Variants in ERBB4 observed in about 807,000 individuals in gnomAD.
ERBB4 encodes erb-b2 receptor tyrosine kinase 4.
In ERBB4, 42 loss-of-function variants were observed where a neutral mutation model predicts 158.0. That is an observed-to-expected ratio of 0.27 (90% CI 0.21 to 0.34). The LOEUF is 0.34. Among genes scored for constraint, ERBB4 ranks in the 10% least tolerant of loss-of-function variants. The probability of loss-of-function intolerance (pLI) is 1.00; values close to 1 mark genes in which losing one functional copy is unlikely to be tolerated. For synonymous variants in ERBB4, 583 were observed against 558.7 expected (o/e 1.04, Z -0.61); for missense variants, 1,333 against 1,624.1 (o/e 0.82, Z 3.08).
intron 20 of ERBB4, among the ~76,000 whole-genome samples, chr2:211,559,674 A>G (rs903283792): frequency 4.6e-5 from 7 of 152,176 alleles, no homozygotes; most frequent in Admixed American, 3.3e-4. Flanking sequence ...ACTGTATTCA[A>G]TCCTATAGTT....
intron 1 of ERBB4, among the ~76,000 whole-genome samples, chr2:212,402,558 T>C (rs1006951534): frequency 6.6e-6 from 1 of 152,112 alleles, no homozygotes; most frequent in African/African-American, 2.4e-5. Flanking sequence ...TTGATTATAA[T>C]ATTATACTAT....
At chr2:212,101,532 T>TAACCA (rs762594318) in intron 2 of ERBB4, among the ~76,000 whole-genome samples, 3 of 151,698 alleles carry the variant, frequency 2.0e-5, no homozygotes, top group Non-Finnish European at 2.9e-5. Flanking sequence ...CCACAAAAAA[T>TAACCA]AACCAATCTA....
chr2:212,452,804 TTAAAA>T (rs1688069253), intron 1 of ERBB4, among the ~76,000 whole-genome samples: 3 of 152,248 alleles, frequency 2.0e-5, no homozygotes, highest in Admixed American at 2.0e-4. Flanking sequence ...ACTAGAAATA[TTAAAA>T]TAAGAGATAA....
chr2:212,113,355 C>A (rs1179990001), intron 2 of ERBB4, among the ~76,000 whole-genome samples: 2 of 151,972 alleles, frequency 1.3e-5, no homozygotes, highest in East Asian at 3.9e-4. Context: ...GAGGGTTGAT[C>A]ATGAGGTCAG....
intron 1 of ERBB4, among the ~76,000 whole-genome samples, chr2:212,261,106 G>A (rs1330433551): frequency 6.6e-6 from 1 of 152,156 alleles, no homozygotes; most frequent in Non-Finnish European, 1.5e-5. Flanking sequence ...CCTGCAAGAT[G>A]AGAAGTCCCA....
intron 27 of ERBB4, among the ~76,000 whole-genome samples, chr2:211,386,637 A>G (rs1386804841): frequency 1.3e-5 from 2 of 152,146 alleles, no homozygotes; most frequent in African/African-American, 2.4e-5. Flanking sequence ...TCCTATTCAG[A>G]CGGGGCCTGC....
intron 1 of ERBB4, among the ~76,000 whole-genome samples, chr2:212,512,538 A>G (rs1017977364): frequency 2.0e-5 from 3 of 152,046 alleles, no homozygotes; most frequent in Admixed American, 1.3e-4. Flanking sequence ...GGCCCTCCTC[A>G]TTTCTTGCCT....
At chr2:211,672,052 G>A (rs866843125) in intron 14 of ERBB4, among the ~76,000 whole-genome samples, 44 of 152,110 alleles carry the variant, frequency 2.9e-4, no homozygotes, top group Admixed American at 8.5e-4. Flanking sequence ...CCTTGTGGTC[G>A]TCCTCTGAAC....
chr2:212,124,920 A>C lies in ERBB4; in HGVS notation c.83-17T>G. 1 of 1,613,920 alleles carries C rather than the reference A, an allele frequency of 6.2e-7. No homozygotes were observed. The highest frequency in any genetic ancestry group is 8.5e-7 in the Non-Finnish European group (1 of 1,179,784). On this transcript the variant is annotated splice_polypyrimidine_tract_variant and intron_variant, in intron 1 of 27. Coordinates refer to ENST00000342788, the MANE Select transcript of ERBB4 (RefSeq NM_005235.3). ...CTGCACACACTGCAAAGACAAGAAG[A>C]TACACGTGAAATTACATAACCTTTA... is the stretch of plus-strand genomic sequence containing the variant.
At position 211,530,779 on chromosome 2, in the gene ERBB4, A is replaced by G. The variant is rs76495756; in HGVS notation, c.2487+31124T>C. Among the ~76,000 whole-genome samples, 10 of 152,188 alleles carry G rather than the reference A, an allele frequency of 6.6e-5. No individual in the cohort carries two copies. The East Asian group carries it at 1.9e-3, about 30-fold the overall frequency. ...GTGGTGTGTGCTTGTAGTTCCAGAT[A>G]CTCAGGAGGCTGAAGTGGGAGAACG... On this transcript the variant is annotated intron_variant, in intron 20 of 27. Coordinates refer to ENST00000342788, the MANE Select transcript of ERBB4 (RefSeq NM_005235.3).
chr2:212,474,043 A>T (rs191483957), intron 1 of ERBB4, among the ~76,000 whole-genome samples: 168 of 152,236 alleles, frequency 1.1e-3, no homozygotes, highest in African/African-American at 4.0e-3. Context: ...TACAATATTA[A>T]AGTTTGAAAA....
At chr2:211,830,656 C>G (rs1225198397) in intron 3 of ERBB4, among the ~76,000 whole-genome samples, 1 of 151,518 alleles carries the variant, frequency 6.6e-6, no homozygotes, top group African/African-American at 2.4e-5. Context: ...AACAAAATAT[C>G]AAAATTTGTA....
At chr2:211,503,759 A>G (rs778824228) in intron 20 of ERBB4, among the ~76,000 whole-genome samples, 52 of 151,368 alleles carry the variant, frequency 3.4e-4, no homozygotes, top group Non-Finnish European at 5.9e-4. Context: ...TCAGGTCACC[A>G]CTCTTTCCCT....
chr2:212,231,597 G>T (rs2083667955), intron 1 of ERBB4, among the ~76,000 whole-genome samples: 1 of 152,254 alleles, frequency 6.6e-6, no homozygotes, highest in South Asian at 2.1e-4. Flanking sequence ...AAGAGGGATG[G>T]TCCATATTGT....
At chr2:212,501,551 A>G (rs768389024) in intron 1 of ERBB4, among the ~76,000 whole-genome samples, 2 of 152,218 alleles carry the variant, frequency 1.3e-5, no homozygotes, top group Non-Finnish European at 2.9e-5. Flanking sequence ...CAGCCACAGA[A>G]AAGAAATTTT....
chr2:211,461,691 C>T (rs909615853), intron 20 of ERBB4, among the ~76,000 whole-genome samples: 2 of 152,004 alleles, frequency 1.3e-5, no homozygotes, highest in African/African-American at 4.8e-5. Flanking sequence ...GAGAGATACA[C>T]ACTACGAAAT....
chr2:212,349,372 C>T (rs574484439), intron 1 of ERBB4, among the ~76,000 whole-genome samples: 162 of 151,816 alleles, frequency 1.1e-3, no homozygotes, highest in African/African-American at 3.8e-3. Context: ...CCATATTGGA[C>T]AGTGTACATA....
At chr2:212,237,839 T>C (rs2083935596) in intron 1 of ERBB4, among the ~76,000 whole-genome samples, 1 of 152,190 alleles carries the variant, frequency 6.6e-6, no homozygotes, top group Non-Finnish European at 1.5e-5. Context: ...CAGAGGACTG[T>C]GCCCAGTTCG....
intron 5 of ERBB4, among the ~76,000 whole-genome samples, chr2:211,743,772 G>T (rs2074872352): frequency 1.3e-5 from 2 of 152,158 alleles, no homozygotes; most frequent in Non-Finnish European, 2.9e-5. Context: ...CTTAAGCTGT[G>T]CTGTGGAGCA....
Sources: gnomAD v4.1 joint callset for allele counts (sites outside exome capture counted in the v4.1 genomes callset) on GRCh38, gnomAD v4.1.1 for gene constraint, MANE v1.5 for transcripts, NCBI Gene and HGNC (gene_info 2026-07-23, HGNC 2026-07-21) for gene names.